SCN3A: variants seen among roughly 807,000 people sequenced by gnomAD.
SCN3A encodes sodium voltage-gated channel alpha subunit 3.
A neutral mutation model predicts 187.6 loss-of-function variants in SCN3A; 60 were observed. That is an observed-to-expected ratio of 0.32 (90% CI 0.26 to 0.40). SCN3A has a LOEUF of 0.40. Among genes scored for constraint, SCN3A ranks in the 10% least tolerant of loss-of-function variants. The pLI, the probability that SCN3A is intolerant of heterozygous loss-of-function variation, is 1.00. For synonymous variants in SCN3A, 788 were observed against 829.2 expected (o/e 0.95, Z 0.85); for missense variants, 1,601 against 2,428.2 (o/e 0.66, Z 7.16).
chr2:165,114,311 G>A (rs1167640724), intron 19 of SCN3A, among the ~76,000 whole-genome samples: 1 of 152,158 alleles, frequency 6.6e-6, no homozygotes, highest in Non-Finnish European at 1.5e-5. Context: ...CTACATGTTC[G>A]ATTTGTTTAT....
chr2:165,200,370 G>GA (rs1574366618), intron 1 of SCN3A, among the ~76,000 whole-genome samples: 1 of 151,696 alleles, frequency 6.6e-6, no homozygotes, highest in Admixed American at 6.6e-5. Flanking sequence ...ATGAAAATCA[G>GA]AAAAAAGTAA....
chr2:165,137,453 T>C (rs1156761365), intron 15 of SCN3A, among the ~76,000 whole-genome samples: 2 of 152,154 alleles, frequency 1.3e-5, no homozygotes, highest in Non-Finnish European at 2.9e-5. Context: ...TTTTATTAGG[T>C]AGTTAACTTG....
At chr2:165,139,088 G>A (rs146023997) in intron 14 of SCN3A, among the ~76,000 whole-genome samples, 14 of 152,160 alleles carry the variant, frequency 9.2e-5, no homozygotes, top group South Asian at 4.1e-4. Context: ...AAGTGCTCCC[G>A]CAACCCCATC....
intron 1 of SCN3A, among the ~76,000 whole-genome samples, chr2:165,200,870 G>A (rs1692274518): frequency 6.6e-6 from 1 of 152,048 alleles, no homozygotes. Flanking sequence ...GGATTTTGCA[G>A]TCCATCAACC....
At chr2:165,133,943 G>T (rs1353461890) in intron 15 of SCN3A, among the ~76,000 whole-genome samples, 1 of 151,978 alleles carries the variant, frequency 6.6e-6, no homozygotes, top group East Asian at 1.9e-4. Flanking sequence ...TTTTGATTTT[G>T]TGTTTTTTAA....
At chr2:165,139,760 G>GAT in intron 13 of SCN3A, 152 bp from the exon 14 acceptor site, 2 of 783,496 alleles carry the variant, frequency 2.6e-6, no homozygotes, top group Non-Finnish European at 3.8e-6. Context: ...GTTATAAACA[G>GAT]TTTTTTTTTT....
At chr2:165,203,091 T>C (rs2106006482) in intron 1 of SCN3A, among the ~76,000 whole-genome samples, 1 of 151,832 alleles carries the variant, frequency 6.6e-6, no homozygotes, top group African/African-American at 2.4e-5. Context: ...AGTTATTAAA[T>C]ATATACAGAA....
chr2:165,142,971 C>T (rs1018950546), intron 12 of SCN3A, among the ~76,000 whole-genome samples: 1 of 152,046 alleles, frequency 6.6e-6, no homozygotes, highest in South Asian at 2.1e-4. Context: ...AAGCTGGCCT[C>T]GAACTCCCAA....
At chr2:165,159,898 G>A (rs1408799461) in intron 9 of SCN3A, among the ~76,000 whole-genome samples, 8 of 135,342 alleles carry the variant, frequency 5.9e-5, no homozygotes, top group Admixed American at 4.7e-4. Flanking sequence ...TTGGGAGGCC[G>A]AGGCGGGCGG....
intron 18 of SCN3A, among the ~76,000 whole-genome samples, chr2:165,120,789 G>A (rs536114087): frequency 6.6e-6 from 1 of 150,950 alleles, no homozygotes; most frequent in Non-Finnish European, 1.5e-5. Context: ...GAAGGAAAAG[G>A]CCAGTAGCTC....
At chr2:165,161,761 C>T (rs1477505103) in intron 9 of SCN3A, among the ~76,000 whole-genome samples, 1 of 152,136 alleles carries the variant, frequency 6.6e-6, no homozygotes, top group African/African-American at 2.4e-5. Context: ...CCTAAAAGAA[C>T]TATTCATTAT....
intron 3 of SCN3A, among the ~76,000 whole-genome samples, chr2:165,175,625 A>G (rs911056525): frequency 1.3e-5 from 2 of 151,900 alleles, no homozygotes; most frequent in Non-Finnish European, 2.9e-5. Context: ...ACTGGGGGGG[A>G]AAGGAATCTC....
At chr2:165,120,675 G>A (rs2105735859) in intron 18 of SCN3A, among the ~76,000 whole-genome samples, 1 of 151,994 alleles carries the variant, frequency 6.6e-6, no homozygotes, top group South Asian at 2.1e-4. Flanking sequence ...CAGGGCCTTA[G>A]TCTGATCTTT....
At chr2:165,104,014 G>T (rs1685732647) in intron 21 of SCN3A, among the ~76,000 whole-genome samples, 1 of 152,008 alleles carries the variant, frequency 6.6e-6, no homozygotes, top group East Asian at 1.9e-4. Context: ...ATATATTGTT[G>T]TTATCTTAAA....
At chr2:165,120,782 G>GGAAAA (rs1686631166) in intron 18 of SCN3A, among the ~76,000 whole-genome samples, 1 of 151,000 alleles carries the variant, frequency 6.6e-6, no homozygotes, top group Non-Finnish European at 1.5e-5. Context: ...TAGGCGGGAA[G>GGAAAA]GAAAAGGCCA....
intron 1 of SCN3A, among the ~76,000 whole-genome samples, chr2:165,190,873 C>T (rs996519888): frequency 9.9e-5 from 15 of 151,680 alleles, no homozygotes; most frequent in Admixed American, 7.2e-4. Flanking sequence ...CAGTGGTTCT[C>T]AAAATTTAGC....
At chr2:165,151,461 C>T (rs940412506) in intron 11 of SCN3A, among the ~76,000 whole-genome samples, 3 of 152,154 alleles carry the variant, frequency 2.0e-5, no homozygotes, top group Non-Finnish European at 4.4e-5. Context: ...GATTTGCTCT[C>T]TCCTGAAGCA....
chr2:165,099,733 C>A (rs1019130210), intron 22 of SCN3A, among the ~76,000 whole-genome samples: 1 of 151,852 alleles, frequency 6.6e-6, no homozygotes, highest in African/African-American at 2.4e-5. Flanking sequence ...AACAAACAAA[C>A]AAAAAAACCA....
chr2:165,170,098 T>C (rs1056778627), intron 4 of SCN3A, among the ~76,000 whole-genome samples: 1 of 151,888 alleles, frequency 6.6e-6, no homozygotes, highest in African/African-American at 2.4e-5. Flanking sequence ...ATGCAAATAG[T>C]AATACTAACC....
Sources: gnomAD v4.1 joint callset for allele counts (sites outside exome capture counted in the v4.1 genomes callset) on GRCh38, gnomAD v4.1.1 for gene constraint, MANE v1.5 for transcripts, NCBI Gene and HGNC (gene_info 2026-07-23, HGNC 2026-07-21) for gene names.